The following GTF2I variants were observed in gnomAD, a reference collection of about 807,000 sequenced individuals.
The protein encoded by GTF2I is general transcription factor II-I.
GTF2I carries 12 observed loss-of-function variants against 67.6 expected under a neutral mutation model. That is an observed-to-expected ratio of 0.18 (90% CI 0.11 to 0.29). The LOEUF (loss-of-function observed/expected upper bound fraction) is 0.29. Ranked by LOEUF, GTF2I falls within the 10% of genes least tolerant of loss-of-function variation. GTF2I has a pLI of 1.00. For synonymous variants in GTF2I, 149 were observed against 197.0 expected, an observed-to-expected ratio of 0.76 and a Z score of 2.04; for missense variants, 271 against 580.1, an observed-to-expected ratio of 0.47 and a Z score of 5.47.
intron 9 of GTF2I, among the ~76,000 whole-genome samples, chr7:74,712,190 A>G (rs1390010527): frequency 4.6e-5 from 7 of 151,998 alleles, no homozygotes; most frequent in African/African-American, 1.7e-4. Flanking sequence ...ACCTCAGGTG[A>G]TCCACCCGCC....
chr7:74,719,229 A>G (rs146806942), intron 12 of GTF2I, among the ~76,000 whole-genome samples: 213 of 152,304 alleles, frequency 1.4e-3, no homozygotes, highest in Middle Eastern at 6.8e-3. Flanking sequence ...GATACACACA[A>G]AAACAGATTC....
intron 1 of GTF2I, among the ~76,000 whole-genome samples, chr7:74,683,862 GAAA>G: frequency 6.8e-6 from 1 of 147,462 alleles, no homozygotes; most frequent in South Asian, 2.1e-4. Flanking sequence ...CCCCACCAAA[GAAA>G]AAAAAAACTT....
At chr7:74,684,236 A>G (rs1177814780) in intron 1 of GTF2I, among the ~76,000 whole-genome samples, 1 of 152,190 alleles carries the variant, frequency 6.6e-6, no homozygotes, top group Admixed American at 6.5e-5. Context: ...TATTCAATAA[A>G]TGTTCATTTC....
intron 1 of GTF2I, among the ~76,000 whole-genome samples, chr7:74,682,435 A>G (rs1261444919): frequency 1.3e-5 from 2 of 152,310 alleles, no homozygotes; most frequent in Admixed American, 1.3e-4. Context: ...CAAACATTTC[A>G]CCACTTGACC....
chr7:74,709,171 G>A (rs1791180796), intron 8 of GTF2I, among the ~76,000 whole-genome samples: 1 of 152,188 alleles, frequency 6.6e-6, no homozygotes, highest in Non-Finnish European at 1.5e-5. Context: ...AACAGACAAG[G>A]AAGACAATAG....
chr7:74,716,972 A>G, intron 11 of GTF2I, 22 bp downstream of exon 11: 1 of 1,581,678 alleles, frequency 6.3e-7, no homozygotes. Context: ...AAGAGATTGC[A>G]TATTTTCCAC....
intron 9 of GTF2I, among the ~76,000 whole-genome samples, chr7:74,714,121 T>C (rs981488098): frequency 9.9e-5 from 15 of 152,184 alleles, no homozygotes; most frequent in African/African-American, 3.6e-4. Flanking sequence ...TTATATTAAA[T>C]AGCCATTGAA....
intron 26 of GTF2I, among the ~76,000 whole-genome samples, chr7:74,750,145 A>C (rs1207094735): frequency 5.4e-5 from 5 of 92,070 alleles, no homozygotes; most frequent in African/African-American, 1.6e-4. Context: ...ACATAATTGA[A>C]ATAGATAGGA....
In GTF2I at chr7:74,757,243, A is replaced by ACATTGTG. The variant is rs1372885510; in HGVS notation, c.2896+384_2896+390dup. 4.6e-5 allele frequency among the ~76,000 whole-genome samples: 4 copies of ACATTGTG among 87,432 alleles called. 2 individuals are homozygous for ACATTGTG. Among genetic ancestry groups the ACATTGTG allele is most frequent in the Non-Finnish European group, 9.3e-5 (4 of 42,942 alleles). The allele number at this position is 87,432 out of a possible 152,430, so 57.4% of individuals were successfully genotyped here. ...AAAATGTTCTTCAGTAGAAATGTAC[A>ACATTGTG]CATTGTGCTCTTAAAAAATTCCTTA... On this transcript the variant is annotated intron_variant, in intron 32 of 34. Transcript: ENST00000573035.
At chr7:74,685,309 A>G (rs1193833283) in intron 1 of GTF2I, among the ~76,000 whole-genome samples, 1 of 152,224 alleles carries the variant, frequency 6.6e-6, no homozygotes, top group East Asian at 1.9e-4. Context: ...CAGCCTGACC[A>G]ATATGGTGAA....
chr7:74,720,812 G>T (rs782098208), intron 12 of GTF2I, among the ~76,000 whole-genome samples: 6 of 145,930 alleles, frequency 4.1e-5, no homozygotes, highest in Non-Finnish European at 7.4e-5. Flanking sequence ...GTGCGATCTC[G>T]GCTCACTGCA....
intron 12 of GTF2I, chr7:74,726,619 G>A (rs1165633245): frequency 2.0e-5 from 3 of 152,388 alleles, no homozygotes; most frequent in African/African-American, 4.8e-5. Flanking sequence ...TGAGGCAGAA[G>A]GATCACTTGA....
At chr7:74,731,704 C>T (rs1794498484) in intron 14 of GTF2I, among the ~76,000 whole-genome samples, 1 of 149,704 alleles carries the variant, frequency 6.7e-6, no homozygotes, top group Admixed American at 6.7e-5. Context: ...GCCACCATGC[C>T]CAGCTAATTT....
At chr7:74,718,301 T>A (rs1323513210) in intron 11 of GTF2I, among the ~76,000 whole-genome samples, 1 of 152,238 alleles carries the variant, frequency 6.6e-6, no homozygotes, top group Non-Finnish European at 1.5e-5. Flanking sequence ...TCTATAAGCT[T>A]CTAGCACTAA....
chr7:74,706,270 G>A (rs1314366638), intron 7 of GTF2I, 120 bp from the exon 8 acceptor site: 1 of 761,984 alleles, frequency 1.3e-6, no homozygotes, highest in Non-Finnish European at 2.3e-6. Flanking sequence ...AGCTGAGTCA[G>A]GTTTGCACCC....
chr7:74,687,111 G>A (rs1787807109), intron 1 of GTF2I, among the ~76,000 whole-genome samples: 1 of 151,974 alleles, frequency 6.6e-6, no homozygotes, highest in African/African-American at 2.4e-5. Context: ...GGATGGTCTC[G>A]AACTCCTGGC....
chr7:74,659,748 G>A (rs1554385535), intron 1 of GTF2I, among the ~76,000 whole-genome samples: 1 of 151,986 alleles, frequency 6.6e-6, no homozygotes, highest in East Asian at 1.9e-4. Context: ...TTCTTGTGTT[G>A]CCTAGGCTGG....
At chr7:74,703,644 T>G (rs1455980930) in intron 6 of GTF2I, among the ~76,000 whole-genome samples, 1 of 152,090 alleles carries the variant, frequency 6.6e-6, no homozygotes, top group Non-Finnish European at 1.5e-5. Flanking sequence ...CCTCCCAGAG[T>G]GCTGGGATTA....
At chr7:74,658,506 G>C (rs1337038239) in intron 1 of GTF2I, among the ~76,000 whole-genome samples, 9 of 148,708 alleles carry the variant, frequency 6.1e-5, no homozygotes, top group Admixed American at 2.7e-4. Context: ...CCGGCTAGGC[G>C]GTGCGGGGGC....
Sources: allele counts gnomAD v4.1 joint callset (sites outside exome capture counted in the v4.1 genomes callset), GRCh38; gene constraint gnomAD v4.1.1; transcripts MANE v1.5; gene names NCBI Gene and HGNC (gene_info 2026-07-23, HGNC 2026-07-21).